LNPEP: variants seen among roughly 807,000 people sequenced by gnomAD.
The protein encoded by LNPEP is leucyl-cystinyl aminopeptidase.
In LNPEP, 64 loss-of-function variants were observed where a neutral mutation model predicts 120.6. The observed-to-expected ratio is 0.53, with a 90% CI of 0.43 to 0.65. The LOEUF is 0.65. LNPEP is among the 30% of genes least tolerant of loss of function. The pLI is 0.00. For missense variants in LNPEP, 1,057 were observed against 1,200.0 expected (o/e 0.88, Z 1.76); for synonymous variants, 435 against 425.4 (o/e 1.02, Z -0.28).
At chr5:97,006,360 C>T (rs536930460) in intron 10 of LNPEP, 67 bp from the exon 11 acceptor site, 3 of 1,245,792 alleles carry the variant, frequency 2.4e-6, no homozygotes, top group Non-Finnish European at 3.4e-6. Flanking sequence ...ATAGCTTAAC[C>T]TTCCTACCAA....
At chr5:97,010,696 T>C in intron 11 of LNPEP, 2 of 985,412 alleles carry the variant, frequency 2.0e-6, no homozygotes, top group Non-Finnish European at 2.4e-6. Context: ...CCATTTAATA[T>C]TGCAGTTGCT....
At chr5:97,011,940 G>C (rs556363332) in intron 11 of LNPEP, among the ~76,000 whole-genome samples, 8 of 152,190 alleles carry the variant, frequency 5.3e-5, no homozygotes, top group Non-Finnish European at 7.4e-5. Flanking sequence ...AATAATTCAT[G>C]TTTTTGAAAT....
In LNPEP at chr5:97,036,834, T is replaced by C. The variant is rs1791580790; in HGVS notation, c.*8301T>C. On this transcript the variant is annotated 3_prime_UTR_variant, in exon 18 of 18. Coordinates refer to ENST00000231368, the MANE Select transcript of LNPEP (RefSeq NM_005575.3). ...CCTGCTGCCATAGAAAAAAATAAGT[T>C]TATTCATGACACATTTACATTTGAT... The C allele has an allele frequency of 6.6e-6, 1 of 152,134 alleles. No individual in the cohort carries two copies. The highest frequency in any genetic ancestry group is 1.5e-5 in the Non-Finnish European group (1 of 68,010). The allele number at this position is 152,134 out of a possible 1,614,324, so 9.4% of individuals were successfully genotyped here. A position where few individuals can be genotyped will look rare whatever the true frequency, so the allele number is the denominator to read the frequency against.
intron 13 of LNPEP, among the ~76,000 whole-genome samples, chr5:97,018,821 TGACA>T: frequency 6.6e-6 from 1 of 152,312 alleles, no homozygotes; most frequent in East Asian, 1.9e-4. Flanking sequence ...AGGCTGCACA[TGACA>T]TATGCTGCAT....
At position 96,979,122 on chromosome 5, in the gene LNPEP, T is replaced by C; in HGVS notation, c.20-16T>C. 1.3e-6 allele frequency: 2 copies of C among 1,571,798 alleles called. No homozygotes were observed. The highest frequency in any genetic ancestry group is 8.6e-7 in the Non-Finnish European group (1 of 1,161,384). ...TTTCTAACTCTGTGCCTTGTTCTTA[T>C]GTTTTGGTTTTTTAGATCGGCTTCA... is the stretch of plus-strand genomic sequence containing the variant. On this transcript the variant is annotated splice_polypyrimidine_tract_variant and intron_variant, in intron 1 of 17. Coordinates refer to ENST00000231368, the MANE Select transcript of LNPEP (RefSeq NM_005575.3).
intron 1 of LNPEP, among the ~76,000 whole-genome samples, chr5:96,947,728 ATT>A (rs1244938150): frequency 2.0e-5 from 3 of 152,176 alleles, no homozygotes; most frequent in Non-Finnish European, 4.4e-5. Context: ...TATTATAAAT[ATT>A]TTATATTAGT....
chr5:96,936,104 C>G lies in LNPEP; in HGVS notation c.-52C>G. On this transcript the variant is annotated 5_prime_UTR_variant, in exon 1 of 18. Transcript: ENST00000231368. ...CAGTCAGCTGGGCCGCCTCAGCTCT[C>G]GGAGTAGGAAGCTCGGGCGCTCCGG... The G allele has an allele frequency of 6.6e-7, 1 of 1,514,502 alleles. No individual in the cohort carries two copies. Among genetic ancestry groups the G allele is most frequent in the East Asian group, 2.8e-5 (1 of 36,184 alleles). The allele number at this position is 1,514,502 out of a possible 1,614,324, so 93.8% of individuals were successfully genotyped here. A position where few individuals can be genotyped will look rare whatever the true frequency, so the allele number is the denominator to read the frequency against.
chr5:96,940,939 G>C (rs1789035966), intron 1 of LNPEP, among the ~76,000 whole-genome samples: 1 of 152,200 alleles, frequency 6.6e-6, no homozygotes, highest in Admixed American at 6.5e-5. Context: ...TTCTAAAGGG[G>C]AGAAGGTTTG....
intron 2 of LNPEP, among the ~76,000 whole-genome samples, 174 bp from the exon 3 acceptor site, chr5:96,984,906 A>G (rs567549453): frequency 3.3e-5 from 5 of 152,300 alleles, no homozygotes. Flanking sequence ...TTGTTAGGAC[A>G]TGACTTACAG....
At chr5:96,964,148 A>G (rs559249611) in intron 1 of LNPEP, among the ~76,000 whole-genome samples, 7 of 150,354 alleles carry the variant, frequency 4.7e-5, no homozygotes, top group African/African-American at 1.7e-4. Flanking sequence ...TTTGAGTGAG[A>G]TCATGTGGTA....
At chr5:97,015,996 T>C (rs1373750612) in intron 13 of LNPEP, among the ~76,000 whole-genome samples, 1 of 152,084 alleles carries the variant, frequency 6.6e-6, no homozygotes, top group Non-Finnish European at 1.5e-5. Context: ...TGTTACTGCC[T>C]TACCCTGCGT....
intron 1 of LNPEP, among the ~76,000 whole-genome samples, chr5:96,950,956 C>G (rs1789306310): frequency 6.6e-6 from 1 of 152,146 alleles, no homozygotes; most frequent in Non-Finnish European, 1.5e-5. Flanking sequence ...GTGGCTTCGA[C>G]AACAGATATT....
rs533992868 is a variant in LNPEP, at chr5:97,025,716, A to G, written c.2724-901A>G. 2.6e-5 allele frequency among the ~76,000 whole-genome samples: 4 copies of G among 152,340 alleles called. No individual in the cohort carries two copies. In the South Asian group the frequency reaches 8.3e-4, roughly 32 times the overall value. On this transcript the variant is annotated intron_variant, in intron 15 of 17. Coordinates refer to ENST00000231368, the MANE Select transcript of LNPEP (RefSeq NM_005575.3). Reference sequence around the variant, plus strand: ...CATATTTAACTGCATTTTAAAAACCATATTAGGTTTATACCATACCCAGTG... The same window carrying G: ...CATATTTAACTGCATTTTAAAAACCGTATTAGGTTTATACCATACCCAGTG...
At chr5:97,012,160 T>C (rs770691228) in intron 11 of LNPEP, among the ~76,000 whole-genome samples, 3 of 152,150 alleles carry the variant, frequency 2.0e-5, no homozygotes, top group South Asian at 2.1e-4. Flanking sequence ...TGAAATATTA[T>C]GAAGATATTT....
chr5:96,940,914 C>G (rs1789035158), intron 1 of LNPEP, among the ~76,000 whole-genome samples: 2 of 152,110 alleles, frequency 1.3e-5, no homozygotes, highest in Admixed American at 6.5e-5. Context: ...TGTATACTTT[C>G]TAGTTTGTGA....
At chr5:97,021,168 C>T (rs1418978821) in intron 13 of LNPEP, among the ~76,000 whole-genome samples, 1 of 152,190 alleles carries the variant, frequency 6.6e-6, no homozygotes, top group African/African-American at 2.4e-5. Flanking sequence ...CTGTGAGTTG[C>T]ATGCCAAAGT....
In LNPEP at chr5:97,037,129, T is replaced by C. The variant is rs2112688295; in HGVS notation, c.*8596T>C. On this transcript the variant is annotated 3_prime_UTR_variant, in exon 18 of 18. Coordinates refer to ENST00000231368, the MANE Select transcript of LNPEP (RefSeq NM_005575.3). ...GAGACAAAACTTAGTTTTACAGCTG[T>C]CTTGATTAAAGCCAAGTGTTCCATG... 1 of 152,294 alleles carries C rather than the reference T, an allele frequency of 6.6e-6. No homozygotes were observed. Among genetic ancestry groups the C allele is most frequent in the East Asian group, 1.9e-4 (1 of 5,192 alleles). 9.4% of individuals were successfully genotyped at this position (152,294 alleles called of 1,614,324 possible). A position where few individuals can be genotyped will look rare whatever the true frequency, so the allele number is the denominator to read the frequency against.
chr5:96,988,609 C>G (rs1790299967), intron 4 of LNPEP, among the ~76,000 whole-genome samples: 1 of 151,394 alleles, frequency 6.6e-6, no homozygotes, highest in Admixed American at 6.6e-5. Flanking sequence ...GTGCTGGGAT[C>G]TTTTTTAAAA....
rs1791425099 is a variant in LNPEP, at chr5:97,029,281, G to A, written c.*748G>A. On this transcript the variant is annotated 3_prime_UTR_variant, in exon 18 of 18. Coordinates refer to ENST00000231368, the MANE Select transcript of LNPEP (RefSeq NM_005575.3). ...ACCATAGGAAACTGTTCCAAACTGA[G>A]TTAGCTTTAATTATAATTATTTTAT... The A allele has an allele frequency of 6.6e-6, 1 of 152,214 alleles. No homozygotes were observed. The highest frequency in any genetic ancestry group is 2.1e-4 in the South Asian group (1 of 4,824). 9.4% of individuals were successfully genotyped at this position (152,214 alleles called of 1,614,324 possible). A position where few individuals can be genotyped will look rare whatever the true frequency, so the allele number is the denominator to read the frequency against.
Sources: gnomAD v4.1 joint callset for allele counts (sites outside exome capture counted in the v4.1 genomes callset) on GRCh38, gnomAD v4.1.1 for gene constraint, MANE v1.5 for transcripts, NCBI Gene and HGNC (gene_info 2026-07-23, HGNC 2026-07-21) for gene names.